CCDC163: variants seen among roughly 807,000 people sequenced by gnomAD.
CCDC163 encodes CCDC163 homolog.
A neutral mutation model predicts 8.2 loss-of-function variants in CCDC163; 13 were observed. The ratio of observed to expected loss-of-function variants is 1.59; its 90% CI spans 1.04 to 2.54. CCDC163 has a LOEUF of 2.54. Ranked by LOEUF, CCDC163 falls within the 30% of genes most tolerant of loss-of-function variation. The pLI is 0.00. For synonymous variants in CCDC163, 41 were observed against 30.9 expected (o/e 1.33, Z -1.08); for missense variants, 117 against 78.6 (o/e 1.49, Z -1.85).
rs2149314012 is a variant in CCDC163, at chr1:45,495,109, T to C, written c.388A>G (p.Arg130Gly). The C allele has an allele frequency of 2.6e-6, 2 of 780,830 alleles. No individual in the cohort carries two copies. Among genetic ancestry groups the C allele is most frequent in the Non-Finnish European group, 4.8e-6 (2 of 417,976 alleles). The allele number at this position is 780,830 out of a possible 1,614,324, so 48.4% of individuals were successfully genotyped here. A position where few individuals can be genotyped will look rare whatever the true frequency, so the allele number is the denominator to read the frequency against. The change falls in exon 5 of 5, where the codon AGA becomes GGA. Residue 130 changes from arginine (R) to glycine (G), a missense_variant. Coordinates refer to ENST00000629482, the MANE Select transcript of CCDC163 (RefSeq NM_001102601.3). ...WSPASFSSMP[R>G]VLSKRTYSFG... is the part of the protein sequence containing the mutation. ...GAATAGGTCCTCTTGCTTAAGACTC[T>C]GGGCATGGAGCTGAAAGATGCTGGG...
At chr1:45,496,741 G>A in intron 3 of CCDC163, 118 bp from the exon 4 acceptor site, 2 of 654,628 alleles carry the variant, frequency 3.1e-6, no homozygotes, top group Non-Finnish European at 5.5e-6. Flanking sequence ...CAGCCATTGG[G>A]ACGCTTCCAA....
intron 4 of CCDC163, 148 bp downstream of exon 4, chr1:45,496,408 G>GAA: frequency 1.4e-6 from 1 of 698,174 alleles, no homozygotes; most frequent in South Asian, 1.5e-5. Flanking sequence ...GAAGAGCTCT[G>GAA]GAGAGAGAGA....
Position 45,495,162 on chromosome 1 carries a change from G to A in CCDC163, c.335C>T (p.Pro112Leu). Residue 112 changes from proline to leucine, a missense_variant, in exon 5 of 5, where the codon CCC (proline) becomes CTC (leucine). Coordinates refer to ENST00000629482, the MANE Select transcript of CCDC163 (RefSeq NM_001102601.3). ...RQAQVGSWKI[P>L]RGAPFLTWSP... ...CCAGGTTAGAAAGGGTGCTCCTCTG[G>A]GGATCTAAGAGGAAAGAAAAGGGAA... 1.3e-6 allele frequency: 1 copy of A among 780,760 alleles called. No individual in the cohort carries two copies. The allele number at this position is 780,760 out of a possible 1,614,324, so 48.4% of individuals were successfully genotyped here. A position where few individuals can be genotyped will look rare whatever the true frequency, so the allele number is the denominator to read the frequency against.
chr1:45,500,056 G>A lies in CCDC163; in HGVS notation c.-447C>T, dbSNP rs1643503585. On this transcript the variant is annotated 5_prime_UTR_variant, in exon 1 of 5. Transcript: ENST00000629482. The stretch of plus-strand genomic sequence containing the variant: ...GTCGCCTCTTGCGAACACAACCGGC[G>A]ATGGAGGCGGTGGAACTACCTTTCT... The A allele has an allele frequency of 3.7e-6, 2 of 547,290 alleles. No individual in the cohort carries two copies. The highest frequency in any genetic ancestry group is 3.1e-5 in the Admixed American group (1 of 32,570). The allele number at this position is 547,290 out of a possible 1,614,324, so 33.9% of individuals were successfully genotyped here.
At chr1:45,496,113 C>G (rs985342637) in intron 4 of CCDC163, 3 of 291,344 alleles carry the variant, frequency 1.0e-5, no homozygotes, top group Non-Finnish European at 2.0e-5. Flanking sequence ...CCCCAGTGCC[C>G]GACCTGTGAG....
At chr1:45,497,629 A>G (rs1476247842) in intron 2 of CCDC163, among the ~76,000 whole-genome samples, 1 of 112,336 alleles carries the variant, frequency 8.9e-6, no homozygotes, top group Non-Finnish European at 1.8e-5. Context: ...CCGAGACTGC[A>G]GCCTCTGCCC....
Position 45,499,571 on chromosome 1 carries a change from C to T in CCDC163, c.39G>A (p.Val13=). 1 of 778,214 alleles carries T rather than the reference C, an allele frequency of 1.3e-6. No homozygotes were observed. Among genetic ancestry groups the T allele is most frequent in the Non-Finnish European group, 2.4e-6 (1 of 416,880 alleles). 48.2% of individuals were successfully genotyped at this position (778,214 alleles called of 1,614,324 possible). A position where few individuals can be genotyped will look rare whatever the true frequency, so the allele number is the denominator to read the frequency against. ...TSLSWFEQLD[V]LLNATDGNVV... is the part of the protein sequence containing the mutation. ...CATTTCCATCAGTAGCGTTGAGAAG[C>T]ACATCCAGCTGCTCAAACCAGCTGA... Residue 13 remains valine (V), a synonymous_variant, in exon 1 of 5, where the codon GTG becomes GTA. Coordinates refer to ENST00000629482, the MANE Select transcript of CCDC163 (RefSeq NM_001102601.3).
Position 45,494,968 on chromosome 1 carries a change from A to G in CCDC163, c.*91T>C. 1.3e-6 allele frequency: 1 copy of G among 764,388 alleles called. No homozygotes were observed. The highest frequency in any genetic ancestry group is 2.4e-6 in the Non-Finnish European group (1 of 410,558). 47.4% of individuals were successfully genotyped at this position (764,388 alleles called of 1,614,324 possible). ...CAGATAATAGCTACTTCAAGAAGGT[A>G]GGGGCGGGCAGCCCAGAAACAGGGC... On this transcript the variant is annotated 3_prime_UTR_variant, in exon 5 of 5. Transcript: ENST00000629482.
At chr1:45,497,815 G>T in intron 2 of CCDC163, among the ~76,000 whole-genome samples, 1 of 145,636 alleles carries the variant, frequency 6.9e-6, no homozygotes. Flanking sequence ...GGGTGCCTCT[G>T]CCCGGCCACC....
intron 4 of CCDC163, chr1:45,496,207 T>C (rs1042453530): frequency 7.7e-6 from 3 of 387,134 alleles, no homozygotes; most frequent in Non-Finnish European, 1.5e-5. Context: ...TCCTCTGTCC[T>C]GGTAGCCTCC....
In CCDC163 at chr1:45,494,876, G is replaced by A. The variant is rs191193977; in HGVS notation, c.*183C>T. ...GGACAATTGCTTGAACCTGGGAGGC[G>A]GAGGTTGCAGTGAGCTGAGATGGGG... is the stretch of plus-strand genomic sequence containing the variant. On this transcript the variant is annotated 3_prime_UTR_variant, in exon 5 of 5. Transcript: ENST00000629482. 2.1e-4 allele frequency: 124 copies of A among 588,630 alleles called. 1 individual carries two copies. Among genetic ancestry groups the A allele is most frequent in the Admixed American group, 1.2e-3 (42 of 34,270 alleles). 36.5% of individuals were successfully genotyped at this position (588,630 alleles called of 1,614,324 possible). A position where few individuals can be genotyped will look rare whatever the true frequency, so the allele number is the denominator to read the frequency against.
At position 45,499,387 on chromosome 1, in the gene CCDC163, G is replaced by T; in HGVS notation, c.135C>A (p.Phe45Leu). 2 of 772,656 alleles carry T rather than the reference G, an allele frequency of 2.6e-6. No individual in the cohort carries two copies. The highest frequency in any genetic ancestry group is 2.7e-5 in the South Asian group (2 of 74,002). 47.9% of individuals were successfully genotyped at this position (772,656 alleles called of 1,614,324 possible). The change falls in exon 2 of 5, where the codon TTC becomes TTA. Residue 45 changes from phenylalanine to leucine, a missense_variant. By Grantham distance (22) the Phe-to-Leu change is conservative (BLOSUM62 0). Transcript: ENST00000629482. ...STELIGLCIC[F>L]FCSSGCIFLG... ...AGAAGATACAGCCACTGCTACAGAA[G>T]AAACAGATGCACAGGCCAATGAGCT... is the stretch of plus-strand genomic sequence containing the variant.
chr1:45,498,394 C>CAAAAAAAAAAAAAAAAA (rs779532347), intron 2 of CCDC163: 1 of 104,310 alleles, frequency 9.6e-6, no homozygotes, highest in Non-Finnish European at 2.1e-5. Flanking sequence ...AAAACAAACC[C>CAAAAAAAAAAAAAAAAA]AAAAAAAAAA....
rs931981416 is a variant in CCDC163, at chr1:45,499,973, G to A, written c.-364C>T. 1.0e-5 allele frequency: 5 copies of A among 490,994 alleles called. No individual in the cohort carries two copies. The highest frequency in any genetic ancestry group is 9.8e-5 in the Admixed American group (3 of 30,552). The allele number at this position is 490,994 out of a possible 1,614,324, so 30.4% of individuals were successfully genotyped here. A position where few individuals can be genotyped will look rare whatever the true frequency, so the allele number is the denominator to read the frequency against. On this transcript the variant is annotated 5_prime_UTR_variant, in exon 1 of 5. Transcript: ENST00000629482. ...GCCGCCGCCGGGTTCAAAACTTCGG[G>A]TTGGTTTTGAAAGTCCGACTTTGGA...
chr1:45,499,704 A>T lies in CCDC163; in HGVS notation c.-95T>A, dbSNP rs1240467863. ...ACCCAAGGTATCCCCAGGAAAGGCC[A>T]CCACGTTAGATGGAAAGAGGGAAGT... On this transcript the variant is annotated 5_prime_UTR_variant, in exon 1 of 5. Coordinates refer to ENST00000629482, the MANE Select transcript of CCDC163 (RefSeq NM_001102601.3). 8.8e-6 allele frequency: 6 copies of T among 685,042 alleles called. No individual in the cohort carries two copies. 42.4% of individuals were successfully genotyped at this position (685,042 alleles called of 1,614,324 possible).
At chr1:45,497,212 T>C (rs1230859370) in intron 3 of CCDC163, 87 bp downstream of exon 3, 1 of 638,912 alleles carries the variant, frequency 1.6e-6, no homozygotes, top group East Asian at 2.8e-5. Flanking sequence ...AGAATAAAAA[T>C]AAATAAAAAT....
rs1653939616 is a variant in CCDC163, at chr1:45,494,764, C to T, written c.*295G>A. The T allele has an allele frequency of 5.8e-6, 2 of 342,550 alleles. No homozygotes were observed. Among genetic ancestry groups the T allele is most frequent in the East Asian group, 6.3e-5 (1 of 15,884 alleles). 21.2% of individuals were successfully genotyped at this position (342,550 alleles called of 1,614,324 possible). ...TTGAGGTCAGAAGTTCAAGACCAGA[C>T]TGGCCAACATGGTGAAACCCCATCT... is the stretch of plus-strand genomic sequence containing the variant. On this transcript the variant is annotated 3_prime_UTR_variant, in exon 5 of 5. Transcript: ENST00000629482.
chr1:45,499,478 C>CT (rs1189370774), intron 1 of CCDC163, 35 bp from the exon 2 acceptor site: 2 of 777,316 alleles, frequency 2.6e-6, no homozygotes, highest in Admixed American at 3.4e-5. Flanking sequence ...CCAATGAACT[C>CT]TGAGAGTCCC....
intron 4 of CCDC163, 37 bp from the exon 5 acceptor site, chr1:45,495,203 C>T (rs762429594): frequency 1.3e-6 from 1 of 780,706 alleles, no homozygotes; most frequent in South Asian, 1.3e-5. Flanking sequence ...AACAAGTCAT[C>T]AGCAAGCATT....
Sources: allele counts gnomAD v4.1 joint callset (sites outside exome capture counted in the v4.1 genomes callset), GRCh38; gene constraint gnomAD v4.1.1; transcripts MANE v1.5; gene names NCBI Gene and HGNC (gene_info 2026-07-23, HGNC 2026-07-21).